The following SPOCK1 variants were observed in gnomAD, a reference collection of about 807,000 sequenced individuals.
The protein encoded by SPOCK1 is SPARC (osteonectin), cwcv and kazal like domains proteoglycan 1, also known as testican-1.
SPOCK1 carries 23 observed loss-of-function variants against 55.3 expected under a neutral mutation model. That is an observed-to-expected ratio of 0.42 (90% CI 0.30 to 0.59). The LOEUF (loss-of-function observed/expected upper bound fraction) is 0.59. Among genes scored for constraint, SPOCK1 ranks in the 20% least tolerant of loss-of-function variants. SPOCK1 has a pLI of 0.22. For missense variants in SPOCK1, 499 were observed against 552.5 expected (o/e 0.90, Z 0.97); for synonymous variants, 226 against 221.0 (o/e 1.02, Z -0.20).
chr5:137,173,533 C>T (rs554077161), intron 3 of SPOCK1, among the ~76,000 whole-genome samples: 2 of 152,160 alleles, frequency 1.3e-5, no homozygotes, highest in East Asian at 1.9e-4. Flanking sequence ...GCTTAGGGTA[C>T]CAAAAATATT....
At chr5:137,389,756 G>A (rs2127178607) in intron 2 of SPOCK1, among the ~76,000 whole-genome samples, 1 of 152,328 alleles carries the variant, frequency 6.6e-6, no homozygotes, top group South Asian at 2.1e-4. Flanking sequence ...AAACCAGTTG[G>A]CCACAACATC....
chr5:137,058,059 G>A (rs897367938), intron 6 of SPOCK1, among the ~76,000 whole-genome samples: 1 of 152,208 alleles, frequency 6.6e-6, no homozygotes, highest in Admixed American at 6.5e-5. Flanking sequence ...ATCAGTGAAG[G>A]CTGTGATCTC....
intron 6 of SPOCK1, among the ~76,000 whole-genome samples, chr5:137,066,987 C>CACACACAGAGAGAGAGAGAGAGAG (rs1343691789): frequency 2.4e-3 from 337 of 139,612 alleles, no homozygotes; most frequent in African/African-American, 7.8e-3. Flanking sequence ...CACACACACA[C>CACACACAGAGAGAGAGAGAGAGAG]AGAGAGAGAG....
chr5:137,111,875 G>T (rs550969695), intron 5 of SPOCK1, among the ~76,000 whole-genome samples: 1 of 152,040 alleles, frequency 6.6e-6, no homozygotes, highest in Admixed American at 6.6e-5. Context: ...TCTTGTTGTT[G>T]GTTTGAGTTA....
At chr5:137,483,449 C>A (rs1057094026) in intron 2 of SPOCK1, among the ~76,000 whole-genome samples, 6 of 152,298 alleles carry the variant, frequency 3.9e-5, no homozygotes, top group African/African-American at 1.4e-4. Context: ...AATGTAAGCT[C>A]CATAAGGGCA....
At chr5:137,000,427 ATGGCATTCTCAGGCTGC>A (rs1751127085) in intron 6 of SPOCK1, among the ~76,000 whole-genome samples, 1 of 152,122 alleles carries the variant, frequency 6.6e-6, no homozygotes, top group Non-Finnish European at 1.5e-5. Context: ...TCCCTCCATC[ATGGCATTCTCAGGCTGC>A]TGGAAGCCTT....
rs1042542160 is a variant in SPOCK1 at position 136,977,570 on chromosome 5, C to A, written c.*1084G>T. 26 of 381,140 alleles carry A rather than the reference C, an allele frequency of 6.8e-5. No homozygotes were observed. The highest frequency in any genetic ancestry group is 5.4e-4 in the African/African-American group (26 of 48,242). The allele number at this position is 381,140 out of a possible 1,614,324, so 23.6% of individuals were successfully genotyped here. ...TCTCAGAGAACAGGAGATATGTGTG[C>A]ATGCCTTAGAAAAAGCCCTTGAGTA... On this transcript the variant is annotated 3_prime_UTR_variant, in exon 11 of 11. Coordinates refer to ENST00000394945, the MANE Select transcript of SPOCK1 (RefSeq NM_004598.4).
chr5:137,244,496 C>A (rs547082063), intron 3 of SPOCK1, among the ~76,000 whole-genome samples: 1 of 152,328 alleles, frequency 6.6e-6, no homozygotes, highest in South Asian at 2.1e-4. Flanking sequence ...ATTCTAGATG[C>A]TTCCAAAAAG....
At chr5:137,476,687 G>A (rs1325044133) in intron 2 of SPOCK1, among the ~76,000 whole-genome samples, 1 of 152,184 alleles carries the variant, frequency 6.6e-6, no homozygotes, top group Non-Finnish European at 1.5e-5. Flanking sequence ...CGCTTTGGCA[G>A]GCCGAGGCAA....
Position 137,105,944 on chromosome 5 carries a change from C to T in SPOCK1, c.474+6491G>A, listed in dbSNP as rs573748260. ...CAGCAGCCAAGCTGATGCCAGTGAA[C>T]AGTGCTGGCTCTCAAGACTCACAGT... On this transcript the variant is annotated intron_variant, in intron 5 of 10. Transcript: ENST00000394945. Among the ~76,000 whole-genome samples, 10 of 152,290 alleles carry T rather than the reference C, an allele frequency of 6.6e-5. No homozygotes were observed. In the East Asian group the frequency reaches 1.5e-3, roughly 24 times the overall value.
chr5:137,178,947 T>C (rs1402626156), intron 3 of SPOCK1, among the ~76,000 whole-genome samples: 1 of 152,198 alleles, frequency 6.6e-6, no homozygotes, highest in Non-Finnish European at 1.5e-5. Flanking sequence ...ACTAGCACAG[T>C]GCCTGGCCCA....
At chr5:137,014,700 A>G (rs1400998906) in intron 6 of SPOCK1, among the ~76,000 whole-genome samples, 1 of 152,208 alleles carries the variant, frequency 6.6e-6, no homozygotes, top group African/African-American at 2.4e-5. Context: ...GAATATGTAC[A>G]TAGCTAAGAC....
At position 137,045,093 on chromosome 5, in the gene SPOCK1, G is replaced by A. The variant is rs1298073115; in HGVS notation, c.589+22622C>T. On this transcript the variant is annotated intron_variant, in intron 6 of 10. Coordinates refer to ENST00000394945, the MANE Select transcript of SPOCK1 (RefSeq NM_004598.4). ...AGTCTTTGCTATTGTGAATAATGCCGCAATAAACATACGTGTGCATGTGTC... is the reference window on the plus strand; with the variant it reads ...AGTCTTTGCTATTGTGAATAATGCCACAATAAACATACGTGTGCATGTGTC... Among the ~76,000 whole-genome samples the A allele has an allele frequency of 6.0e-3, 904 of 149,474 alleles. 5 individuals carry two copies. Among genetic ancestry groups the A allele is most frequent in the Non-Finnish European group, 0.01 (677 of 67,616 alleles).
chr5:137,465,439 T>C (rs1447447357), intron 2 of SPOCK1, among the ~76,000 whole-genome samples: 1 of 152,134 alleles, frequency 6.6e-6, no homozygotes, highest in Non-Finnish European at 1.5e-5. Context: ...AAGACTAATA[T>C]ATAAGCTTAT....
chr5:137,314,847 C>A (rs1757848889), intron 2 of SPOCK1, among the ~76,000 whole-genome samples: 1 of 152,200 alleles, frequency 6.6e-6, no homozygotes, highest in African/African-American at 2.4e-5. Flanking sequence ...ATTAGGCTCT[C>A]AGGACAACCC....
intron 2 of SPOCK1, among the ~76,000 whole-genome samples, chr5:137,433,534 G>A (rs540672200): frequency 6.6e-6 from 1 of 152,150 alleles, no homozygotes; most frequent in Non-Finnish European, 1.5e-5. Context: ...CTCAGGAGAG[G>A]CAGGCCCCAT....
chr5:137,440,241 C>T (rs1160317147), intron 2 of SPOCK1, among the ~76,000 whole-genome samples: 1 of 151,650 alleles, frequency 6.6e-6, no homozygotes, highest in Non-Finnish European at 1.5e-5. Context: ...TGTATATTCA[C>T]AGACATGGAA....
chr5:137,275,076 T>C (rs189488811), intron 2 of SPOCK1, among the ~76,000 whole-genome samples: 2 of 152,368 alleles, frequency 1.3e-5, no homozygotes, highest in Admixed American at 6.5e-5. Context: ...TGTGTAATCA[T>C]TAATTTACAT....
intron 3 of SPOCK1, among the ~76,000 whole-genome samples, chr5:137,249,816 A>C (rs1756471778): frequency 6.6e-6 from 1 of 152,226 alleles, no homozygotes; most frequent in African/African-American, 2.4e-5. Flanking sequence ...GAAAAATTTG[A>C]CAATCTTCAA....
Sources: gnomAD v4.1 joint callset for allele counts (sites outside exome capture counted in the v4.1 genomes callset) on GRCh38, gnomAD v4.1.1 for gene constraint, MANE v1.5 for transcripts, NCBI Gene and HGNC (gene_info 2026-07-23, HGNC 2026-07-21) for gene names.